Variants in PEBP4 observed in about 807,000 individuals in gnomAD.
PEBP4 encodes the protein phosphatidylethanolamine binding protein 4, also known as phosphatidylethanolamine-binding protein 4.
PEBP4 carries 22 observed loss-of-function variants against 23.9 expected under a neutral mutation model. The ratio of observed to expected loss-of-function variants is 0.92; its 90% CI spans 0.66 to 1.31. PEBP4 has a LOEUF of 1.31. PEBP4 is among the 40% of genes most tolerant of loss of function. The probability of loss-of-function intolerance (pLI) is 0.00; values close to 1 mark genes in which losing one functional copy is unlikely to be tolerated. For synonymous variants in PEBP4, 112 were observed against 99.3 expected (o/e 1.13, Z -0.76); for missense variants, 324 against 281.7 (o/e 1.15, Z -1.07).
intron 4 of PEBP4, chr8:22,757,325 A>G (rs1040470054): frequency 6.6e-6 from 1 of 152,254 alleles, no homozygotes; most frequent in Non-Finnish European, 1.5e-5. Flanking sequence ...CTGCCTTCCC[A>G]TGACATTCCC....
rs549459004 is a variant in PEBP4 at position 22,801,663 on chromosome 8, G to T, written c.357+15974C>A. Among the ~76,000 whole-genome samples the T allele has an allele frequency of 2.6e-5, 4 of 152,174 alleles. No homozygotes were observed. The South Asian group carries it at 8.3e-4, about 32-fold the overall frequency. On this transcript the variant is annotated intron_variant, in intron 4 of 6. Transcript: ENST00000256404. ...AACCTGAGCTTACCCCTTGGGAAAT[G>T]GTTTTGCAAAAGCACACGTAGATGG...
chr8:22,802,310 C>T (rs983878636), intron 4 of PEBP4, among the ~76,000 whole-genome samples: 1 of 152,192 alleles, frequency 6.6e-6, no homozygotes, highest in Non-Finnish European at 1.5e-5. Flanking sequence ...GGCCTTCCCA[C>T]CCATCCCCAC....
chr8:22,898,389 CCCAAAAAAAA>C (rs1466362618), intron 3 of PEBP4, among the ~76,000 whole-genome samples: 1,420 of 86,662 alleles, frequency 0.016, 160 homozygotes, highest in African/African-American at 0.053. Flanking sequence ...AAGACTCCAC[CCCAAAAAAAA>C]AAAAAAAAAA....
At chr8:22,860,689 T>C (rs1807761769) in intron 3 of PEBP4, among the ~76,000 whole-genome samples, 1 of 152,252 alleles carries the variant, frequency 6.6e-6, no homozygotes, top group Non-Finnish European at 1.5e-5. Flanking sequence ...GGATACGTAC[T>C]CCGTGGAGCT....
At chr8:22,802,362 T>G (rs1806402062) in intron 4 of PEBP4, among the ~76,000 whole-genome samples, 1 of 152,160 alleles carries the variant, frequency 6.6e-6, no homozygotes, top group African/African-American at 2.4e-5. Flanking sequence ...CACTCCTGGA[T>G]TCCTGTAGCT....
chr8:22,857,241 T>TACACACACACACACAC (rs35324307), intron 3 of PEBP4, among the ~76,000 whole-genome samples: 199 of 148,120 alleles, frequency 1.3e-3, no homozygotes, highest in African/African-American at 4.6e-3. Context: ...AAATGAAACC[T>TACACACACACACACAC]ACACACACAC....
Position 22,724,914 on chromosome 8 carries a change from C to A in PEBP4, c.446G>T (p.Arg149Leu). The A allele has an allele frequency of 1.9e-6, 3 of 1,614,086 alleles. No individual in the cohort carries two copies. The highest frequency in any genetic ancestry group is 1.3e-5 in the African/African-American group (1 of 75,026). Residue 149 changes from arginine to leucine, a missense_variant, in exon 6 of 7, where the codon CGC (arginine) becomes CTC (leucine). Coordinates refer to ENST00000256404, the MANE Select transcript of PEBP4 (RefSeq NM_144962.3). ...CTGAAGATAGACAAAGAACTGGTAG[C>A]GATGGAAGCCACTGTGTGCCGGTGG... Reference protein sequence around the residue: ...PSPPAHSGFHRYQFFVYLQEG... With the variant: ...PSPPAHSGFHLYQFFVYLQEG...
chr8:22,827,841 A>T (rs1019064457), intron 3 of PEBP4, among the ~76,000 whole-genome samples: 8 of 152,342 alleles, frequency 5.3e-5, no homozygotes, highest in Non-Finnish European at 1.2e-4. Context: ...CCATTTTACA[A>T]TTCCACCAGA....
intron 2 of PEBP4, among the ~76,000 whole-genome samples, chr8:22,922,875 A>G (rs1406140204): frequency 6.6e-6 from 1 of 152,076 alleles, no homozygotes; most frequent in African/African-American, 2.4e-5. Context: ...ACTTGAAGGC[A>G]CTCTAGACAG....
At chr8:22,792,485 CTA>C (rs981162791) in intron 4 of PEBP4, among the ~76,000 whole-genome samples, 5 of 152,220 alleles carry the variant, frequency 3.3e-5, no homozygotes, top group Admixed American at 3.3e-4. Flanking sequence ...CATATCCTTT[CTA>C]TGATTCCAGG....
At chr8:22,854,442 G>A (rs1807600458) in intron 3 of PEBP4, among the ~76,000 whole-genome samples, 2 of 152,156 alleles carry the variant, frequency 1.3e-5, no homozygotes, top group African/African-American at 4.8e-5. Flanking sequence ...AAAATAAGTA[G>A]TCTTGCCGTA....
In PEBP4 at chr8:22,766,324, G is replaced by A. The variant is rs898758620; in HGVS notation, c.358-39104C>T. Among the ~76,000 whole-genome samples the A allele has an allele frequency of 2.0e-5, 3 of 152,366 alleles. No homozygotes were observed. The East Asian group carries it at 5.8e-4, about 29-fold the overall frequency. On this transcript the variant is annotated intron_variant, in intron 4 of 6. Coordinates refer to ENST00000256404, the MANE Select transcript of PEBP4 (RefSeq NM_144962.3). The stretch of plus-strand genomic sequence containing the variant: ...AATGCCAAACAAAGTGGAAGAAGCT[G>A]GCTTTGGGTGATGACCAGTTCATAG...
intron 4 of PEBP4, among the ~76,000 whole-genome samples, chr8:22,753,919 C>G (rs1399693558): frequency 2.6e-5 from 4 of 152,180 alleles, no homozygotes; most frequent in Non-Finnish European, 5.9e-5. Context: ...CCCCTCCCCA[C>G]AACCTCTGCT....
At chr8:22,868,641 C>T (rs1325198451) in intron 3 of PEBP4, among the ~76,000 whole-genome samples, 1 of 152,196 alleles carries the variant, frequency 6.6e-6, no homozygotes, top group Non-Finnish European at 1.5e-5. Flanking sequence ...TCCTATCCCT[C>T]TCAACTAATG....
At chr8:22,883,747 C>T (rs950358181) in intron 3 of PEBP4, among the ~76,000 whole-genome samples, 5 of 152,062 alleles carry the variant, frequency 3.3e-5, no homozygotes, top group Non-Finnish European at 5.9e-5. Context: ...CTTGTATTAG[C>T]GCATTATAAT....
intron 3 of PEBP4, among the ~76,000 whole-genome samples, chr8:22,856,876 T>C (rs1049524301): frequency 4.6e-5 from 7 of 151,992 alleles, no homozygotes; most frequent in African/African-American, 1.2e-4. Flanking sequence ...TTATTTATAA[T>C]AGTGAAAGAA....
chr8:22,889,265 G>A (rs1005241862), intron 3 of PEBP4, among the ~76,000 whole-genome samples: 4 of 152,208 alleles, frequency 2.6e-5, no homozygotes, highest in Admixed American at 2.6e-4. Context: ...CCATTTTGGA[G>A]CTGGGAAAAG....
chr8:22,740,804 C>T (rs545898987), intron 4 of PEBP4, among the ~76,000 whole-genome samples: 31 of 152,298 alleles, frequency 2.0e-4, no homozygotes, highest in African/African-American at 7.5e-4. Context: ...AGGAGGGAGG[C>T]ACAGCCCTTT....
At chr8:22,835,964 G>A (rs866196019) in intron 3 of PEBP4, among the ~76,000 whole-genome samples, 11 of 152,236 alleles carry the variant, frequency 7.2e-5, no homozygotes, top group Admixed American at 5.9e-4. Context: ...GGAGACAGAC[G>A]TGTAAACAGC....
Sources: allele counts gnomAD v4.1 joint callset (sites outside exome capture counted in the v4.1 genomes callset), GRCh38; gene constraint gnomAD v4.1.1; transcripts MANE v1.5; gene names NCBI Gene and HGNC (gene_info 2026-07-23, HGNC 2026-07-21).